The following DNAJB6 variants were observed in gnomAD, a reference collection of about 807,000 sequenced individuals.
The protein encoded by DNAJB6 is DnaJ heat shock protein family (Hsp40) member B6.
A neutral mutation model predicts 42.7 loss-of-function variants in DNAJB6; 16 were observed. That is an observed-to-expected ratio of 0.37 (90% confidence interval 0.25 to 0.57). The LOEUF is 0.57. Among genes scored for constraint, DNAJB6 ranks in the 20% least tolerant of loss-of-function variants. DNAJB6 has a pLI of 0.74. For missense variants in DNAJB6, 347 were observed against 416.8 expected (o/e 0.83, Z 1.46); for synonymous variants, 170 against 163.5 (o/e 1.04, Z -0.30).
chr7:157,382,847 C>T (rs1297284643), intron 6 of DNAJB6: 1 of 152,524 alleles, frequency 6.6e-6, no homozygotes, highest in East Asian at 1.9e-4. Flanking sequence ...GCCTCACGCA[C>T]GTAGCTCTTC....
intron 8 of DNAJB6, among the ~76,000 whole-genome samples, chr7:157,389,976 C>G (rs1376869890): frequency 6.6e-6 from 1 of 152,190 alleles, no homozygotes; most frequent in Non-Finnish European, 1.5e-5. Flanking sequence ...TTCCCTGTAC[C>G]CTGATTGGGA....
chr7:157,401,362 C>T (rs7791064), intron 8 of DNAJB6, among the ~76,000 whole-genome samples: 7,366 of 152,086 alleles, frequency 0.048, 211 homozygotes, highest in African/African-American at 0.078. Context: ...ATTACAGGCA[C>T]GCGCCACCAC....
At chr7:157,350,930 G>T (rs1339326307) in intron 1 of DNAJB6, among the ~76,000 whole-genome samples, 1 of 148,418 alleles carries the variant, frequency 6.7e-6, no homozygotes, top group East Asian at 2.0e-4. Flanking sequence ...CTTAACTTTT[G>T]TCCAGTCTTT....
At chr7:157,374,420 C>A (rs189396455) in intron 5 of DNAJB6, among the ~76,000 whole-genome samples, 1 of 152,026 alleles carries the variant, frequency 6.6e-6, no homozygotes, top group South Asian at 2.1e-4. Flanking sequence ...CCACCGCGCC[C>A]GGCTAATTTT....
At chr7:157,374,902 C>CA (rs1800394591) in intron 5 of DNAJB6, among the ~76,000 whole-genome samples, 1 of 152,196 alleles carries the variant, frequency 6.6e-6, no homozygotes, top group Non-Finnish European at 1.5e-5. Flanking sequence ...GTTGGCATGA[C>CA]AGTCACCTGA....
At position 157,382,472 on chromosome 7, in the gene DNAJB6, T is replaced by C. The variant is rs1302734441; in HGVS notation, c.478+95T>C. On this transcript the variant is annotated intron_variant, in intron 6 of 9. Transcript: ENST00000262177. ...TTTAGTTAGAGTGCTTTAAAATATG[T>C]GTATACCTTTCGTAGAATAGCATTG... 3 of 1,357,592 alleles carry C rather than the reference T, an allele frequency of 2.2e-6. No individual in the cohort carries two copies. In the East Asian group the frequency reaches 7.4e-5, roughly 34 times the overall value. 84.1% of individuals were successfully genotyped at this position (1,357,592 alleles called of 1,614,324 possible). A position where few individuals can be genotyped will look rare whatever the true frequency, so the allele number is the denominator to read the frequency against.
At chr7:157,340,437 G>A (rs1798301394) in intron 1 of DNAJB6, among the ~76,000 whole-genome samples, 1 of 151,952 alleles carries the variant, frequency 6.6e-6, no homozygotes, top group Non-Finnish European at 1.5e-5. Context: ...GAGAAGAAGA[G>A]CAAAGTTGGT....
intron 5 of DNAJB6, chr7:157,381,912 G>C (rs1443203807): frequency 5.9e-6 from 1 of 168,984 alleles, no homozygotes; most frequent in East Asian, 1.7e-4. Flanking sequence ...AGCAGGAACA[G>C]CGTCTTGACC....
At chr7:157,342,333 A>ATTTTTTTTT (rs11329531) in intron 1 of DNAJB6, among the ~76,000 whole-genome samples, 1 of 60,406 alleles carries the variant, frequency 1.7e-5, no homozygotes. Context: ...ATCCTGGCTA[A>ATTTTTTTTT]TTTTTTTTTT....
intron 8 of DNAJB6, among the ~76,000 whole-genome samples, chr7:157,389,442 T>C (rs936910468): frequency 1.3e-5 from 2 of 152,248 alleles, no homozygotes; most frequent in African/African-American, 4.8e-5. Flanking sequence ...CACAAAATTA[T>C]GTTTAGTTGA....
At chr7:157,380,441 G>C (rs1209678092) in intron 5 of DNAJB6, 1 of 152,114 alleles carries the variant, frequency 6.6e-6, no homozygotes, top group Non-Finnish European at 1.5e-5. Flanking sequence ...AGTGGGGGAC[G>C]GTAAGGTCTG....
chr7:157,402,886 C>T (rs952309177), intron 8 of DNAJB6, among the ~76,000 whole-genome samples: 1 of 152,238 alleles, frequency 6.6e-6, no homozygotes, highest in Non-Finnish European at 1.5e-5. Context: ...CTCCATCAGC[C>T]TTCTGGTCTG....
chr7:157,360,191 T>C (rs570505515), intron 2 of DNAJB6, among the ~76,000 whole-genome samples: 2 of 152,274 alleles, frequency 1.3e-5, no homozygotes, highest in Non-Finnish European at 2.9e-5. Flanking sequence ...GGGGAGGTCT[T>C]ACAATCATGG....
intron 6 of DNAJB6, among the ~76,000 whole-genome samples, chr7:157,383,336 AT>A (rs1343943564): frequency 1.3e-5 from 2 of 152,054 alleles, no homozygotes; most frequent in African/African-American, 4.8e-5. Context: ...TCTCATTTTT[AT>A]TTTTAAGCCT....
intron 1 of DNAJB6, among the ~76,000 whole-genome samples, chr7:157,341,899 C>T (rs948370064): frequency 2.6e-5 from 4 of 152,214 alleles, no homozygotes; most frequent in African/African-American, 9.6e-5. Flanking sequence ...TAGAGTCTCA[C>T]ACTGTCACCC....
intron 8 of DNAJB6, among the ~76,000 whole-genome samples, chr7:157,408,646 T>C (rs1226630711): frequency 6.6e-6 from 1 of 152,248 alleles, no homozygotes; most frequent in East Asian, 1.9e-4. Flanking sequence ...TCTGTTGTGG[T>C]TGAGCCACAT....
Position 157,395,684 on chromosome 7 carries a change from CTT to C in DNAJB6, c.691+10090_691+10091del, listed in dbSNP as rs869242320. On this transcript the variant is annotated intron_variant, in intron 8 of 9. Transcript: ENST00000262177. ...ACATTCATTCTACGTTTTTTCTTTTCTTTTTTTTTTTTTTTTTTGAGACGGAG... is the reference window on the plus strand; with the variant it reads ...ACATTCATTCTACGTTTTTTCTTTTCTTTTTTTTTTTTTTTTGAGACGGAG... Among the ~76,000 whole-genome samples, 899 of 131,844 alleles carry C rather than the reference CTT, an allele frequency of 6.8e-3. 8 individuals are homozygous for C. The highest frequency in any genetic ancestry group is 0.023 in the African/African-American group (829 of 35,906). The allele number at this position is 131,844 out of a possible 152,430, so 86.5% of individuals were successfully genotyped here. A position where few individuals can be genotyped will look rare whatever the true frequency, so the allele number is the denominator to read the frequency against.
chr7:157,366,627 C>T (rs772674805), intron 4 of DNAJB6, 66 bp downstream of exon 4: 91 of 1,462,916 alleles, frequency 6.2e-5, no homozygotes, highest in East Asian at 3.2e-4. Context: ...TTGTAAATCA[C>T]GAGTCTCTTG....
chr7:157,410,555 C>CT (rs1417250268), intron 9 of DNAJB6: 5 of 165,132 alleles, frequency 3.0e-5, no homozygotes, highest in Non-Finnish European at 6.5e-5. Flanking sequence ...GCCGGATAGT[C>CT]TCTGAAGTGA....
Sources: gnomAD v4.1 joint callset for allele counts (sites outside exome capture counted in the v4.1 genomes callset) on GRCh38, gnomAD v4.1.1 for gene constraint, MANE v1.5 for transcripts, NCBI Gene and HGNC (gene_info 2026-07-23, HGNC 2026-07-21) for gene names.